Variants in MEF2A observed in about 807,000 individuals in gnomAD.
MEF2A encodes myocyte-specific enhancer factor 2A.
In MEF2A, 28 loss-of-function variants were observed where a neutral mutation model predicts 55.8. The observed-to-expected ratio is 0.50, with a 90% CI of 0.37 to 0.69. The LOEUF is 0.69. Among genes scored for constraint, MEF2A ranks in the 30% least tolerant of loss-of-function variants. The pLI is 0.00. For missense variants in MEF2A, 528 were observed against 626.2 expected, an observed-to-expected ratio of 0.84 and a Z score of 1.67; for synonymous variants, 239 against 227.1, an observed-to-expected ratio of 1.05 and a Z score of -0.47.
At chr15:99,587,749 AT>A (rs1156908715) in intron 1 of MEF2A, among the ~76,000 whole-genome samples, 1 of 152,218 alleles carries the variant, frequency 6.6e-6, no homozygotes, top group African/African-American at 2.4e-5. Context: ...CATTACAAAT[AT>A]GTAGAAATAC....
chr15:99,673,958 A>C (rs1007420484), intron 5 of MEF2A, among the ~76,000 whole-genome samples: 5 of 152,090 alleles, frequency 3.3e-5, no homozygotes, highest in African/African-American at 1.2e-4. Flanking sequence ...AGTTAATAAT[A>C]TGTGTACACA....
chr15:99,700,296 G>T (rs1484942220), intron 8 of MEF2A, among the ~76,000 whole-genome samples: 1 of 147,988 alleles, frequency 6.8e-6, no homozygotes, highest in Non-Finnish European at 1.5e-5. Flanking sequence ...GGCAGATGTT[G>T]AGCTCAGGAG....
At chr15:99,652,148 C>G (rs2046953296) in intron 4 of MEF2A, among the ~76,000 whole-genome samples, 1 of 152,136 alleles carries the variant, frequency 6.6e-6, no homozygotes, top group Admixed American at 6.5e-5. Context: ...CACCAGAGTT[C>G]TTTAAAGCAG....
intron 2 of MEF2A, among the ~76,000 whole-genome samples, chr15:99,612,915 G>GA (rs80233565): frequency 1.4e-3 from 190 of 132,940 alleles, no homozygotes; most frequent in South Asian, 3.8e-3. Context: ...TTTAGCAAGT[G>GA]AAAAAAAAAA....
intron 6 of MEF2A, 41 bp downstream of exon 6, chr15:99,674,653 G>A: frequency 6.6e-7 from 1 of 1,522,126 alleles, no homozygotes; most frequent in Middle Eastern, 1.7e-4. Context: ...TTAATAAAGA[G>A]GGTGAAAAAA....
chr15:99,597,269 G>A (rs978628269), intron 1 of MEF2A, among the ~76,000 whole-genome samples: 1 of 152,106 alleles, frequency 6.6e-6, no homozygotes, highest in Admixed American at 6.5e-5. Flanking sequence ...ATGCGCACCT[G>A]GGGGTGGGTC....
intron 2 of MEF2A, among the ~76,000 whole-genome samples, chr15:99,612,022 G>A (rs749165348): frequency 3.3e-5 from 5 of 152,170 alleles, no homozygotes; most frequent in Non-Finnish European, 5.9e-5. Flanking sequence ...AAGGAGTGGG[G>A]AATGCCTGCT....
At chr15:99,571,902 C>T (rs1239458767) in intron 1 of MEF2A, among the ~76,000 whole-genome samples, 1 of 152,202 alleles carries the variant, frequency 6.6e-6, no homozygotes, top group Non-Finnish European at 1.5e-5. Flanking sequence ...GAGCAGTCCA[C>T]TGCTCTTAGT....
At chr15:99,694,718 T>C (rs917424687) in intron 8 of MEF2A, among the ~76,000 whole-genome samples, 3 of 152,198 alleles carry the variant, frequency 2.0e-5, no homozygotes, top group Non-Finnish European at 1.5e-5. Flanking sequence ...CCCACACTTT[T>C]AAGGAGTGGG....
chr15:99,644,046 C>A (rs550576764), intron 3 of MEF2A, among the ~76,000 whole-genome samples: 1 of 152,074 alleles, frequency 6.6e-6, no homozygotes, highest in African/African-American at 2.4e-5. Flanking sequence ...ATTTAAAGAA[C>A]CTTCTCAACT....
At chr15:99,686,711 T>G (rs748045555) in intron 7 of MEF2A, among the ~76,000 whole-genome samples, 42 of 152,340 alleles carry the variant, frequency 2.8e-4, no homozygotes, top group Non-Finnish European at 1.5e-4. Flanking sequence ...ACAATCTTTT[T>G]GCAATGAATT....
chr15:99,621,522 T>C (rs2041169381), intron 2 of MEF2A, among the ~76,000 whole-genome samples: 1 of 152,214 alleles, frequency 6.6e-6, no homozygotes, highest in South Asian at 2.1e-4. Context: ...GGCCATTCAT[T>C]TGCAACAGTA....
intron 8 of MEF2A, among the ~76,000 whole-genome samples, chr15:99,698,375 A>G (rs1174775882): frequency 1.3e-5 from 2 of 152,256 alleles, no homozygotes; most frequent in Non-Finnish European, 2.9e-5. Context: ...ACATACTTCA[A>G]AAAGAAGATA....
intron 2 of MEF2A, among the ~76,000 whole-genome samples, chr15:99,604,568 T>C (rs550541856): frequency 4.6e-5 from 7 of 152,258 alleles, no homozygotes; most frequent in Admixed American, 1.3e-4. Flanking sequence ...CCCTTGTCAG[T>C]TCTGTTAACT....
intron 2 of MEF2A, among the ~76,000 whole-genome samples, chr15:99,622,980 G>A (rs1353044229): frequency 1.1e-4 from 17 of 152,022 alleles, no homozygotes; most frequent in Non-Finnish European, 2.4e-4. Context: ...GATTACAGGC[G>A]TGAGCCACCA....
chr15:99,653,662 A>G (rs549985686), intron 4 of MEF2A, among the ~76,000 whole-genome samples: 1 of 152,282 alleles, frequency 6.6e-6, no homozygotes, highest in Admixed American at 6.5e-5. Flanking sequence ...ATTTTAATTC[A>G]TTAGCAGTAA....
At chr15:99,632,899 C>G in intron 2 of MEF2A, 79 bp from the exon 3 acceptor site, 1 of 427,474 alleles carries the variant, frequency 2.3e-6, no homozygotes, top group Non-Finnish European at 4.3e-6. Flanking sequence ...AGTGTAAAAG[C>G]AAATTTGAAA....
chr15:99,700,761 C>T (rs887434675), intron 8 of MEF2A, among the ~76,000 whole-genome samples: 6 of 152,042 alleles, frequency 3.9e-5, no homozygotes, highest in African/African-American at 9.7e-5. Context: ...TAAGAAAGTG[C>T]GTATCAAAAG....
chr15:99,681,917 T>A (rs1227450071), intron 7 of MEF2A: 2 of 152,198 alleles, frequency 1.3e-5, no homozygotes, highest in Non-Finnish European at 2.9e-5. Context: ...AAACAGTTCT[T>A]TGTACAAATG....
Sources: gnomAD v4.1 joint callset for allele counts (sites outside exome capture counted in the v4.1 genomes callset) on GRCh38, gnomAD v4.1.1 for gene constraint, MANE v1.5 for transcripts, NCBI Gene and HGNC (gene_info 2026-07-23, HGNC 2026-07-21) for gene names.